CCSER1: variants seen among roughly 807,000 people sequenced by gnomAD.
CCSER1 encodes the protein coiled-coil serine rich protein 1.
Under a neutral mutation model 82.0 loss-of-function variants are expected in CCSER1, and 41 were observed. The ratio of observed to expected loss-of-function variants is 0.50; its 90% confidence interval spans 0.39 to 0.65. The LOEUF is 0.65. Ranked by LOEUF, CCSER1 falls within the 30% of genes least tolerant of loss-of-function variation. The probability of loss-of-function intolerance (pLI) is 0.00; values close to 1 mark genes in which losing one functional copy is unlikely to be tolerated. For missense variants in CCSER1, 1,119 were observed against 1,064.2 expected (o/e 1.05, Z -0.72); for synonymous variants, 414 against 383.9 (o/e 1.08, Z -0.92).
intron 1 of CCSER1, among the ~76,000 whole-genome samples, chr4:90,270,960 A>G (rs1350998455): frequency 6.6e-6 from 1 of 152,178 alleles, no homozygotes; most frequent in Non-Finnish European, 1.5e-5. Context: ...TTCAATGGAA[A>G]CTATAAAATA....
chr4:90,397,279 C>T (rs920692682), intron 3 of CCSER1, among the ~76,000 whole-genome samples: 5 of 152,102 alleles, frequency 3.3e-5, no homozygotes, highest in East Asian at 1.9e-4. Flanking sequence ...AGAACAATGT[C>T]GTGAATTTTC....
chr4:91,495,969 A>G (rs180775591), intron 10 of CCSER1, among the ~76,000 whole-genome samples: 257 of 151,786 alleles, frequency 1.7e-3, no homozygotes, highest in Middle Eastern at 6.8e-3. Context: ...AGGTGATAGT[A>G]AAGAAGTAGA....
intron 10 of CCSER1, among the ~76,000 whole-genome samples, chr4:91,190,093 C>T (rs1734877724): frequency 6.6e-6 from 1 of 152,182 alleles, no homozygotes; most frequent in Non-Finnish European, 1.5e-5. Flanking sequence ...TAGATGCCTG[C>T]ACTCCATGAT....
chr4:90,645,319 C>T (rs1439510911), intron 6 of CCSER1, among the ~76,000 whole-genome samples: 3 of 152,020 alleles, frequency 2.0e-5, no homozygotes, highest in Non-Finnish European at 4.4e-5. Flanking sequence ...CAAAAATGTT[C>T]GATGAAACAG....
chr4:91,270,819 G>A (rs559835032), intron 10 of CCSER1, among the ~76,000 whole-genome samples: 1 of 152,150 alleles, frequency 6.6e-6, no homozygotes, highest in Non-Finnish European at 1.5e-5. Context: ...ATATGCTTCA[G>A]ATAATTTTGT....
chr4:90,146,054 A>C (rs555169336), intron 1 of CCSER1, among the ~76,000 whole-genome samples: 1 of 152,090 alleles, frequency 6.6e-6, no homozygotes, highest in African/African-American at 2.4e-5. Flanking sequence ...CCCAAGACTT[A>C]AAAAGAAAAT....
chr4:91,156,756 C>T (rs1428289047), intron 10 of CCSER1, among the ~76,000 whole-genome samples: 1 of 151,820 alleles, frequency 6.6e-6, no homozygotes, highest in South Asian at 2.1e-4. Context: ...TTTTAAATGC[C>T]AGACACCTTC....
At chr4:90,772,740 A>G (rs979184132) in intron 7 of CCSER1, among the ~76,000 whole-genome samples, 1 of 152,168 alleles carries the variant, frequency 6.6e-6, no homozygotes, top group African/African-American at 2.4e-5. Flanking sequence ...TTTCCTCTTA[A>G]AGAAAAATAG....
intron 10 of CCSER1, among the ~76,000 whole-genome samples, chr4:91,196,834 T>C (rs1168577579): frequency 2.0e-5 from 3 of 152,190 alleles, no homozygotes; most frequent in African/African-American, 4.8e-5. Flanking sequence ...ACCTAAATAT[T>C]TCCTGTTATC....
At chr4:91,405,517 T>C (rs528902094) in intron 10 of CCSER1, among the ~76,000 whole-genome samples, 342 of 152,222 alleles carry the variant, frequency 2.2e-3, no homozygotes, top group African/African-American at 7.6e-3. Flanking sequence ...TCAGAGTGAA[T>C]AGGCAACCTA....
chr4:90,479,802 G>T (rs1215395191), intron 5 of CCSER1, among the ~76,000 whole-genome samples: 1 of 152,156 alleles, frequency 6.6e-6, no homozygotes, highest in Non-Finnish European at 1.5e-5. Flanking sequence ...TTGGGTCCAA[G>T]TCTTTGCTAT....
chr4:91,020,617 G>C lies in CCSER1; in HGVS notation c.2173-65333G>C, dbSNP rs111893010. On this transcript the variant is annotated intron_variant, in intron 9 of 10. Transcript: ENST00000509176. ...GCGGGGCTTGCAGTGAGCCGAGATC[G>C]CGCCACTGCACTCCAGCCTGGGTGA... is the stretch of plus-strand genomic sequence containing the variant. 1.3e-3 allele frequency among the ~76,000 whole-genome samples: 195 copies of C among 151,794 alleles called. 1 individual carries two copies. Among genetic ancestry groups the C allele is most frequent in the African/African-American group, 4.5e-3 (185 of 41,382 alleles).
chr4:91,078,267 A>G (rs1167334947), intron 9 of CCSER1, among the ~76,000 whole-genome samples: 3 of 152,314 alleles, frequency 2.0e-5, no homozygotes, highest in Admixed American at 1.3e-4. Context: ...ATTAGGCAGC[A>G]ACATTTGCTG....
chr4:90,388,296 G>A (rs947647069), intron 3 of CCSER1, among the ~76,000 whole-genome samples: 3 of 150,442 alleles, frequency 2.0e-5, no homozygotes, highest in African/African-American at 7.4e-5. Context: ...TTGAGTACAA[G>A]TGATGTTTGT....
At chr4:90,247,856 T>G (rs2153438702) in intron 1 of CCSER1, among the ~76,000 whole-genome samples, 1 of 149,362 alleles carries the variant, frequency 6.7e-6, no homozygotes, top group East Asian at 1.9e-4. Context: ...TTATTTATGG[T>G]TTTTTTTGAA....
chr4:90,621,996 C>T (rs1722407272), intron 5 of CCSER1, among the ~76,000 whole-genome samples: 1 of 152,154 alleles, frequency 6.6e-6, no homozygotes, highest in Non-Finnish European at 1.5e-5. Context: ...TCATATGGCA[C>T]CTGGAAGTTC....
At chr4:90,990,931 C>A (rs2150446300) in intron 9 of CCSER1, among the ~76,000 whole-genome samples, 1 of 152,010 alleles carries the variant, frequency 6.6e-6, no homozygotes, top group South Asian at 2.1e-4. Flanking sequence ...ATTTAACTAC[C>A]TATCCTCTAA....
At position 90,932,996 on chromosome 4, in the gene CCSER1, GAAAGAAAGAAAGAA is replaced by G. The variant is rs1453178563; in HGVS notation, c.2172+9551_2172+9564del. On this transcript the variant is annotated intron_variant, in intron 9 of 10. Coordinates refer to ENST00000509176, the MANE Select transcript of CCSER1 (RefSeq NM_001145065.2). The stretch of plus-strand genomic sequence containing the variant: ...AAAGAAAGAAAGAGAAAGAAAGAAA[GAAAGAAAGAAAGAA>G]AGAAAGAAAGAAAGAAAGAAAGAAA... 3.0e-4 allele frequency among the ~76,000 whole-genome samples: 17 copies of G among 56,072 alleles called. 4 individuals carry two copies. Among genetic ancestry groups the G allele is most frequent in the African/African-American group, 2.2e-3 (17 of 7,784 alleles). The allele number at this position is 56,072 out of a possible 152,430, so 36.8% of individuals were successfully genotyped here.
At chr4:91,157,819 A>T (rs1004431026) in intron 10 of CCSER1, among the ~76,000 whole-genome samples, 2 of 151,996 alleles carry the variant, frequency 1.3e-5, no homozygotes, top group Admixed American at 1.3e-4. Context: ...ATGGCCAAAC[A>T]TCTTTTTGAT....
Sources: allele counts gnomAD v4.1 joint callset (sites outside exome capture counted in the v4.1 genomes callset), GRCh38; gene constraint gnomAD v4.1.1; transcripts MANE v1.5; gene names NCBI Gene and HGNC (gene_info 2026-07-23, HGNC 2026-07-21).